Variants in AGO2 observed in about 807,000 individuals in gnomAD.
AGO2 encodes argonaute RISC catalytic component 2, also known as protein argonaute-2.
A neutral mutation model predicts 102.3 loss-of-function variants in AGO2; 5 were observed. That is an observed-to-expected ratio of 0.05 (90% CI 0.03 to 0.10). The LOEUF is 0.10. Ranked by LOEUF, AGO2 falls within the 10% of genes least tolerant of loss-of-function variation. The probability of loss-of-function intolerance (pLI) is 1.00; values close to 1 mark genes in which losing one functional copy is unlikely to be tolerated. For synonymous variants in AGO2, 449 were observed against 473.1 expected, an observed-to-expected ratio of 0.95 and a Z score of 0.66; for missense variants, 541 against 1,183.7, an observed-to-expected ratio of 0.46 and a Z score of 7.97.
intron 1 of AGO2, among the ~76,000 whole-genome samples, chr8:140,599,129 G>A (rs185198325): frequency 6.6e-6 from 1 of 152,260 alleles, no homozygotes; most frequent in East Asian, 1.9e-4. Flanking sequence ...TTAAAATCCG[G>A]CAGGATGCAC....
At chr8:140,576,973 C>T (rs1024630053) in intron 2 of AGO2, among the ~76,000 whole-genome samples, 15 of 152,102 alleles carry the variant, frequency 9.9e-5, no homozygotes, top group African/African-American at 3.1e-4. Flanking sequence ...TTTGGGAGGC[C>T]GAAGCAGGTG....
At chr8:140,601,165 C>G (rs541638043) in intron 1 of AGO2, among the ~76,000 whole-genome samples, 1 of 152,190 alleles carries the variant, frequency 6.6e-6, no homozygotes, top group South Asian at 2.1e-4. Flanking sequence ...CAGGTTCCCA[C>G]GGGTTCCGAG....
intron 1 of AGO2, among the ~76,000 whole-genome samples, chr8:140,598,606 C>T (rs779314009): frequency 2.0e-5 from 3 of 152,214 alleles, no homozygotes; most frequent in Non-Finnish European, 4.4e-5. Context: ...CCCGCTTGCC[C>T]GACAGCCCTG....
intron 1 of AGO2, among the ~76,000 whole-genome samples, chr8:140,633,321 A>G (rs988956384): frequency 6.6e-6 from 1 of 152,226 alleles, no homozygotes; most frequent in African/African-American, 2.4e-5. Flanking sequence ...GAACTGCACC[A>G]CAGACTTATA....
intron 3 of AGO2, among the ~76,000 whole-genome samples, chr8:140,570,114 G>C (rs1242427287): frequency 6.6e-6 from 1 of 152,272 alleles, no homozygotes; most frequent in Non-Finnish European, 1.5e-5. Flanking sequence ...AGATCCTACA[G>C]AACCCCCAAA....
intron 1 of AGO2, among the ~76,000 whole-genome samples, chr8:140,611,250 A>G (rs1398059192): frequency 6.6e-6 from 1 of 152,146 alleles, no homozygotes; most frequent in African/African-American, 2.4e-5. Context: ...CAGCACGGGG[A>G]CGAAGCCAGC....
chr8:140,559,339 C>A, intron 6 of AGO2, 56 bp downstream of exon 6: 1 of 1,594,968 alleles, frequency 6.3e-7, no homozygotes. Flanking sequence ...GTCCCGGAGG[C>A]GGACCGGGAA....
At chr8:140,612,925 C>G (rs2074099195) in intron 1 of AGO2, among the ~76,000 whole-genome samples, 1 of 151,716 alleles carries the variant, frequency 6.6e-6, no homozygotes, top group South Asian at 2.1e-4. Flanking sequence ...CCTGGCCAGG[C>G]ATGGTGGCTC....
At chr8:140,588,488 C>G (rs760695260) in intron 1 of AGO2, among the ~76,000 whole-genome samples, 1 of 151,596 alleles carries the variant, frequency 6.6e-6, no homozygotes, top group South Asian at 2.1e-4. Flanking sequence ...GACAGAGACA[C>G]TAAGTGAGCA....
intron 1 of AGO2, among the ~76,000 whole-genome samples, chr8:140,619,804 T>C (rs2074193721): frequency 6.6e-6 from 1 of 152,056 alleles, no homozygotes; most frequent in South Asian, 2.1e-4. Context: ...CCTGCTAAGG[T>C]TATAAGCAAT....
rs1168247737 is a variant in AGO2, at chr8:140,540,437, T to C, written c.2034+727A>G. Among the ~76,000 whole-genome samples, 1 of 152,176 alleles carries C rather than the reference T, an allele frequency of 6.6e-6. No homozygotes were observed. The highest frequency in any genetic ancestry group is 1.5e-5 in the Non-Finnish European group (1 of 68,014). On this transcript the variant is annotated intron_variant, in intron 15 of 18. Coordinates refer to ENST00000220592, the MANE Select transcript of AGO2 (RefSeq NM_012154.5). This position sits in a 1 kb window ranked among gnomAD's most constrained non-coding sequence, Gnocchi z 5.0. ...CTCCCAAGGAAGCGACCGTGTGGCA[T>C]GGCGAGGGGTGGGGAGGAATCGGCT...
rs554069124 is a variant in AGO2, at chr8:140,622,281, G to A, written c.22+13204C>T. ...ATCCACATGGGGTCTCCTCTTGGGG[G>A]AATAATGCACATGGGGTCTCCTCTT... On this transcript the variant is annotated intron_variant, in intron 1 of 18. Coordinates refer to ENST00000220592, the MANE Select transcript of AGO2 (RefSeq NM_012154.5). Among the ~76,000 whole-genome samples, 49 of 110,500 alleles carry A rather than the reference G, an allele frequency of 4.4e-4. 1 individual carries two copies. The highest frequency in any genetic ancestry group is 1.1e-3 in the Admixed American group (12 of 10,572). The allele number at this position is 110,500 out of a possible 152,430, so 72.5% of individuals were successfully genotyped here.
chr8:140,532,271 G>C, intron 18 of AGO2, 119 bp from the exon 19 acceptor site: 1 of 1,369,186 alleles, frequency 7.3e-7, no homozygotes, highest in Non-Finnish European at 1.0e-6. Context: ...AGAGTCCCAC[G>C]CTGACGGCCG....
At chr8:140,595,218 A>G (rs1322734499) in intron 1 of AGO2, among the ~76,000 whole-genome samples, 1 of 152,224 alleles carries the variant, frequency 6.6e-6, no homozygotes, top group Non-Finnish European at 1.5e-5. Context: ...GTTCAGTGAC[A>G]CTGCTTCTCC....
chr8:140,624,640 C>T (rs1035766740), intron 1 of AGO2, among the ~76,000 whole-genome samples: 4 of 152,370 alleles, frequency 2.6e-5, no homozygotes, highest in East Asian at 1.9e-4. Flanking sequence ...CCACCAACTG[C>T]GAACATCCAC....
chr8:140,619,387 C>G (rs142534299), intron 1 of AGO2, among the ~76,000 whole-genome samples: 2 of 152,304 alleles, frequency 1.3e-5, no homozygotes, highest in Admixed American at 1.3e-4. Flanking sequence ...CTAGACGCAA[C>G]GACACAAGAG....
rs374250146 is a variant in AGO2, at chr8:140,535,661, T to G, written c.2170-92A>C. ...CAGCCGCGCCGCCCGCTGGCCAGGG[T>G]GCCCTATTTTGAAGTTTTTAAATTG... is the stretch of plus-strand genomic sequence containing the variant. On this transcript the variant is annotated intron_variant, in intron 16 of 18. Coordinates refer to ENST00000220592, the MANE Select transcript of AGO2 (RefSeq NM_012154.5). The G allele has an allele frequency of 1.2e-4, 147 of 1,236,426 alleles. 1 individual carries two copies. In the East Asian group the frequency reaches 3.1e-3, roughly 26 times the overall value. The allele number at this position is 1,236,426 out of a possible 1,614,324, so 76.6% of individuals were successfully genotyped here. A position where few individuals can be genotyped will look rare whatever the true frequency, so the allele number is the denominator to read the frequency against.
intron 1 of AGO2, among the ~76,000 whole-genome samples, chr8:140,614,259 G>A (rs1437292760): frequency 6.6e-6 from 1 of 152,120 alleles, no homozygotes; most frequent in Non-Finnish European, 1.5e-5. Flanking sequence ...GGGAGGTAGA[G>A]GTTGCAGTGA....
chr8:140,565,780 G>A (rs1404939873), intron 3 of AGO2, among the ~76,000 whole-genome samples: 1 of 152,098 alleles, frequency 6.6e-6, no homozygotes, highest in Non-Finnish European at 1.5e-5. Context: ...CGTTTTGGGG[G>A]AGTCAAAAGT....
Sources: gnomAD v4.1 joint callset for allele counts (sites outside exome capture counted in the v4.1 genomes callset) on GRCh38, gnomAD v4.1.1 for gene constraint, Gnocchi (gnomAD v3.1) non-coding constraint, MANE v1.5 for transcripts, NCBI Gene and HGNC (gene_info 2026-07-23, HGNC 2026-07-21) for gene names.